Variants in PRKG1 observed in about 807,000 individuals in gnomAD.
The protein encoded by PRKG1 is cGMP-dependent protein kinase 1.
In PRKG1, 35 loss-of-function variants were observed where a neutral mutation model predicts 88.1. The ratio of observed to expected loss-of-function variants is 0.40; its 90% confidence interval spans 0.30 to 0.53. PRKG1 has a LOEUF of 0.53. Ranked by LOEUF, PRKG1 falls within the 20% of genes least tolerant of loss-of-function variation. The probability of loss-of-function intolerance (pLI) is 0.59; values close to 1 mark genes in which losing one functional copy is unlikely to be tolerated. For missense variants in PRKG1, 540 were observed against 839.8 expected (o/e 0.64, Z 4.41); for synonymous variants, 303 against 292.5 (o/e 1.04, Z -0.37).
At chr10:51,141,300 G>C (rs1226091766) in intron 1 of PRKG1, among the ~76,000 whole-genome samples, 1 of 152,094 alleles carries the variant, frequency 6.6e-6, no homozygotes, top group Non-Finnish European at 1.5e-5. Context: ...TTGGCTTCAC[G>C]GCCTGCCTAA....
At chr10:52,170,929 G>A (rs537120104) in intron 9 of PRKG1, among the ~76,000 whole-genome samples, 15 of 152,100 alleles carry the variant, frequency 9.9e-5, no homozygotes, top group African/African-American at 1.7e-4. Context: ...TTGAAAATGC[G>A]CTCATCAAAT....
chr10:52,269,918 G>C (rs1841673085), intron 10 of PRKG1, among the ~76,000 whole-genome samples: 1 of 152,082 alleles, frequency 6.6e-6, no homozygotes, highest in African/African-American at 2.4e-5. Flanking sequence ...CATGAGGGCT[G>C]CAAGAGAGGC....
At chr10:52,246,439 C>G (rs955928595) in intron 9 of PRKG1, among the ~76,000 whole-genome samples, 7 of 152,082 alleles carry the variant, frequency 4.6e-5, no homozygotes, top group South Asian at 4.1e-4. Flanking sequence ...GCATATGTAT[C>G]TTGGTCTCAT....
intron 2 of PRKG1, among the ~76,000 whole-genome samples, chr10:51,251,171 C>G (rs1028177157): frequency 1.3e-5 from 2 of 151,694 alleles, no homozygotes; most frequent in African/African-American, 4.8e-5. Flanking sequence ...GCATTGCTTC[C>G]TTTTCCTATT....
intron 3 of PRKG1, among the ~76,000 whole-genome samples, chr10:51,505,456 G>T: frequency 6.6e-6 from 1 of 152,110 alleles, no homozygotes; most frequent in Non-Finnish European, 1.5e-5. Flanking sequence ...TCTCTGCTAG[G>T]CTTTGGTATC....
intron 5 of PRKG1, among the ~76,000 whole-genome samples, chr10:51,993,455 T>A (rs1045635165): frequency 6.6e-6 from 1 of 152,202 alleles, no homozygotes; most frequent in African/African-American, 2.4e-5. Context: ...ATTGAGCTTA[T>A]TTTATGTAAT....
At chr10:51,499,515 T>C (rs1333294096) in intron 3 of PRKG1, among the ~76,000 whole-genome samples, 1 of 152,204 alleles carries the variant, frequency 6.6e-6, no homozygotes, top group African/African-American at 2.4e-5. Flanking sequence ...TATCTAATTA[T>C]CTACTTAAAC....
At chr10:51,119,376 A>C (rs1023556336) in intron 1 of PRKG1, among the ~76,000 whole-genome samples, 1 of 152,086 alleles carries the variant, frequency 6.6e-6, no homozygotes, top group Non-Finnish European at 1.5e-5. Flanking sequence ...TTGCATAATT[A>C]GAGAAATTTT....
chr10:52,091,135 C>A (rs566343460), intron 7 of PRKG1, among the ~76,000 whole-genome samples: 1 of 152,242 alleles, frequency 6.6e-6, no homozygotes, highest in African/African-American at 2.4e-5. Context: ...CTGTTGTAAT[C>A]TCTGAGGGAA....
chr10:51,738,088 G>A (rs532602650), intron 3 of PRKG1, among the ~76,000 whole-genome samples: 4 of 151,916 alleles, frequency 2.6e-5, no homozygotes, highest in Non-Finnish European at 1.5e-5. Context: ...TTTTTTAAAA[G>A]CTCCCAGGAT....
At chr10:52,105,301 G>A (rs183701005) in intron 7 of PRKG1, among the ~76,000 whole-genome samples, 5 of 152,170 alleles carry the variant, frequency 3.3e-5, no homozygotes, top group Admixed American at 2.0e-4. Context: ...TTATGTTATA[G>A]TTTTTAGGTC....
At chr10:51,096,848 A>G (rs933629872) in intron 1 of PRKG1, among the ~76,000 whole-genome samples, 3 of 152,278 alleles carry the variant, frequency 2.0e-5, no homozygotes, top group Middle Eastern at 3.4e-3. Context: ...GGCATTTGCA[A>G]TGTTCTGGAG....
chr10:52,144,580 G>T (rs1423377253), intron 8 of PRKG1, among the ~76,000 whole-genome samples: 2 of 152,166 alleles, frequency 1.3e-5, no homozygotes, highest in Admixed American at 1.3e-4. Context: ...GGAGGCCAAG[G>T]CAGGTGGATC....
chr10:52,134,930 C>T (rs957103041), intron 8 of PRKG1, among the ~76,000 whole-genome samples: 2 of 152,064 alleles, frequency 1.3e-5, no homozygotes, highest in Non-Finnish European at 2.9e-5. Context: ...TATATTTTGT[C>T]TGGTTCCCAA....
At chr10:51,129,464 G>GA (rs548137032) in intron 1 of PRKG1, among the ~76,000 whole-genome samples, 54 of 136,978 alleles carry the variant, frequency 3.9e-4, no homozygotes, top group East Asian at 8.5e-4. Context: ...AATAAACAAA[G>GA]AAAAAAAAAA....
intron 5 of PRKG1, among the ~76,000 whole-genome samples, chr10:52,015,048 G>A (rs543677991): frequency 2.6e-5 from 4 of 152,164 alleles, no homozygotes; most frequent in Non-Finnish European, 4.4e-5. Flanking sequence ...ACCATTTTGG[G>A]GTCTGGAGGA....
chr10:51,211,205 C>A (rs371005376), intron 2 of PRKG1, among the ~76,000 whole-genome samples: 1 of 151,902 alleles, frequency 6.6e-6, no homozygotes, highest in South Asian at 2.1e-4. Context: ...ACAGAACCAA[C>A]GACAAAAACC....
intron 7 of PRKG1, among the ~76,000 whole-genome samples, chr10:52,129,462 A>G (rs753124447): frequency 6.6e-6 from 1 of 152,132 alleles, no homozygotes; most frequent in Admixed American, 6.5e-5. Context: ...GTCATATACT[A>G]ATGTCAAGGA....
chr10:51,835,993 C>T (rs554513170), intron 4 of PRKG1, among the ~76,000 whole-genome samples: 1 of 152,220 alleles, frequency 6.6e-6, no homozygotes, highest in South Asian at 2.1e-4. Context: ...AGATGTTGAG[C>T]ATTTTTTTTA....
Sources: allele counts gnomAD v4.1 joint callset (sites outside exome capture counted in the v4.1 genomes callset), GRCh38; gene constraint gnomAD v4.1.1; transcripts MANE v1.5; gene names NCBI Gene and HGNC (gene_info 2026-07-23, HGNC 2026-07-21).